The following DCAF11 variants were observed in gnomAD, a reference collection of about 807,000 sequenced individuals.
The protein encoded by DCAF11 is DDB1 and CUL4 associated factor 11, also known as DDB1- and CUL4-associated factor 11.
A neutral mutation model predicts 76.1 loss-of-function variants in DCAF11; 44 were observed. That is an observed-to-expected ratio of 0.58 (90% CI 0.45 to 0.74). DCAF11 has a LOEUF of 0.74. Among genes scored for constraint, DCAF11 ranks in the 30% least tolerant of loss-of-function variants. The pLI is 0.00. For missense variants in DCAF11, 604 were observed against 709.4 expected, an observed-to-expected ratio of 0.85 and a Z score of 1.69; for synonymous variants, 258 against 255.0, an observed-to-expected ratio of 1.01 and a Z score of -0.11.
In DCAF11 at chr14:24,118,502, A is replaced by T; in HGVS notation, c.692A>T (p.Asn231Ile). Residue 231 changes from asparagine to isoleucine, a missense_variant, in exon 7 of 15, where the codon AAC becomes ATC. Physicochemically the swap from Asn to Ile is moderately radical, Grantham distance 149. Coordinates refer to ENST00000446197, the MANE Select transcript of DCAF11 (RefSeq NM_025230.5). Reference protein sequence around the residue: ...VLDVAFTPDGNHFLYSSWSDY... With the variant: ...VLDVAFTPDGIHFLYSSWSDY... ...GATGTGGCCTTCACCCCTGATGGGA[A>T]CCACTTCCTCTACTCTAGCTGGTCT... The T allele has an allele frequency of 6.2e-7, 1 of 1,614,152 alleles. No individual in the cohort carries two copies. Among genetic ancestry groups the T allele is most frequent in the Non-Finnish European group, 8.5e-7 (1 of 1,180,034 alleles).
intron 2 of DCAF11, among the ~76,000 whole-genome samples, chr14:24,116,271 C>G (rs1471751978): frequency 1.3e-5 from 2 of 152,184 alleles, no homozygotes; most frequent in Admixed American, 1.3e-4. Context: ...AGCTGGCTTT[C>G]TTTCTTTGCT....
Position 24,123,052 on chromosome 14 carries a change from T to C in DCAF11, c.1481T>C (p.Phe494Ser). The C allele has an allele frequency of 6.2e-7, 1 of 1,614,092 alleles. No homozygotes were observed. The highest frequency in any genetic ancestry group is 8.5e-7 in the Non-Finnish European group (1 of 1,180,016). ...GTGCGTGACGTCAGTTGGCACCCCT[T>C]TGAAGAGAAGATTGTCAGCAGTTCG... ...ACVRDVSWHPFEEKIVSSSWD... is the reference protein window; with the variant it reads ...ACVRDVSWHPSEEKIVSSSWD... Residue 494 changes from phenylalanine (F) to serine (S), a missense_variant, in exon 14 of 15, where the codon TTT becomes TCT. Coordinates refer to ENST00000446197, the MANE Select transcript of DCAF11 (RefSeq NM_025230.5).
At chr14:24,115,341 G>A (rs1414298869) in intron 1 of DCAF11, 41 bp from the exon 2 acceptor site, 1 of 385,112 alleles carries the variant, frequency 2.6e-6, no homozygotes, top group Non-Finnish European at 4.6e-6. Context: ...GTGAGCTAGG[G>A]TAGCGCACTA....
Position 24,117,454 on chromosome 14 carries a change from A to G in DCAF11, c.411+61A>G. 6.2e-7 allele frequency: 1 copy of G among 1,604,122 alleles called. No individual in the cohort carries two copies. Among genetic ancestry groups the G allele is most frequent in the Non-Finnish European group, 8.5e-7 (1 of 1,174,432 alleles). On this transcript the variant is annotated intron_variant, in intron 4 of 14. Transcript: ENST00000446197. This position sits in a 1 kb window ranked among gnomAD's most constrained non-coding sequence, Gnocchi z 4.3. ...TGCCAAAGCAGCCAGAAGCTCTGCC[A>G]GCCCCAGAGAAAAAGGAAGTCAACT...
At chr14:24,115,777 G>C (rs1466821452) in intron 2 of DCAF11, 28 bp downstream of exon 2, 1 of 1,603,698 alleles carries the variant, frequency 6.2e-7, no homozygotes, top group East Asian at 2.2e-5. Flanking sequence ...GTGACCCCCA[G>C]CAGGTGCTAC....
chr14:24,115,888 T>A, intron 2 of DCAF11, 139 bp downstream of exon 2: 11 of 1,127,154 alleles, frequency 9.8e-6, no homozygotes, highest in Non-Finnish European at 1.2e-5. Context: ...AGCCTTTCCC[T>A]GCTGGGCACC....
At chr14:24,122,637 G>GCA (rs917060155) in intron 13 of DCAF11, among the ~76,000 whole-genome samples, 1 of 152,152 alleles carries the variant, frequency 6.6e-6, no homozygotes, top group Non-Finnish European at 1.5e-5. Flanking sequence ...TGCAGCAGGT[G>GCA]CACACACCCC....
At chr14:24,118,957 C>T in intron 8 of DCAF11, 153 bp downstream of exon 8, 1 of 1,132,816 alleles carries the variant, frequency 8.8e-7, no homozygotes, top group South Asian at 1.3e-5. Context: ...TCTTGTCAGC[C>T]AGAGGACTGG....
At position 24,115,435 on chromosome 14, in the gene DCAF11, A is replaced by G. The variant is rs1208784849; in HGVS notation, c.-160A>G. The G allele has an allele frequency of 2.9e-6, 3 of 1,039,550 alleles. No homozygotes were observed. The highest frequency in any genetic ancestry group is 4.1e-6 in the Non-Finnish European group (3 of 740,318). 64.4% of individuals were successfully genotyped at this position (1,039,550 alleles called of 1,614,324 possible). ...CTTGGTAGTTGGCATAGGCTAAAGA[A>G]AAGGGATCTCAGCCCCGAGGAAGGG... On this transcript the variant is annotated 5_prime_UTR_variant, in exon 2 of 15. Coordinates refer to ENST00000446197, the MANE Select transcript of DCAF11 (RefSeq NM_025230.5).
chr14:24,120,821 C>T lies in DCAF11; in HGVS notation c.1093-17C>T, dbSNP rs140555404. 25 of 1,613,194 alleles carry T rather than the reference C, an allele frequency of 1.5e-5. No individual in the cohort carries two copies. The highest frequency in any genetic ancestry group is 2.7e-5 in the African/African-American group (2 of 75,022). On this transcript the variant is annotated splice_polypyrimidine_tract_variant and intron_variant, in intron 11 of 14. Coordinates refer to ENST00000446197, the MANE Select transcript of DCAF11 (RefSeq NM_025230.5). The stretch of plus-strand genomic sequence containing the variant: ...TTGCAAGCTCTGATGCTTCACTATC[C>T]ACCTTTGGATTCATAGGGTGATGCC...
chr14:24,119,525 G>A, intron 9 of DCAF11, 34 bp from the exon 10 acceptor site: 1 of 1,613,278 alleles, frequency 6.2e-7, no homozygotes, highest in Non-Finnish European at 8.5e-7. Flanking sequence ...CTCGATCATG[G>A]CTCCAGGACC....
At position 24,119,713 on chromosome 14, in the gene DCAF11, T is replaced by G; in HGVS notation, c.909T>G (p.Ile303Met). Reference sequence around the variant, plus strand: ...ATCCTGGCCTCCTTTTCGCCTAGATTGAGTCCCATGAGGATGATGTGAATG... The same window carrying G: ...ATCCTGGCCTCCTTTTCGCCTAGATGGAGTCCCATGAGGATGATGTGAATG... ...DREQNRRTLQIESHEDDVNAV... is the reference protein window; with the variant it reads ...DREQNRRTLQMESHEDDVNAV... The change falls in exon 11 of 15, where the codon ATT becomes ATG. Residue 303 changes from isoleucine (I) to methionine (M), a missense_variant and splice_region_variant. Coordinates refer to ENST00000446197, the MANE Select transcript of DCAF11 (RefSeq NM_025230.5). 1 of 1,614,232 alleles carries G rather than the reference T, an allele frequency of 6.2e-7. No individual in the cohort carries two copies. Among genetic ancestry groups the G allele is most frequent in the South Asian group, 1.1e-5 (1 of 91,090 alleles).
chr14:24,117,093 T>G lies in DCAF11; in HGVS notation c.283+49T>G. 1.2e-6 allele frequency: 2 copies of G among 1,613,158 alleles called. No homozygotes were observed. Among genetic ancestry groups the G allele is most frequent in the Non-Finnish European group, 1.7e-6 (2 of 1,179,452 alleles). On this transcript the variant is annotated intron_variant, in intron 3 of 14. Transcript: ENST00000446197. The surrounding 1 kb of genome is among the most constrained non-coding windows in gnomAD (Gnocchi z 4.3). ...TGGAAGACTTTTACTAGAAAACCTT[T>G]TAGTGATATTTTGAATGATAGGTTA...
rs768097303 is a variant in DCAF11, at chr14:24,118,395, A to G, written c.585A>G (p.Thr195=). The G allele has an allele frequency of 1.4e-5, 22 of 1,614,122 alleles. No individual in the cohort carries two copies. The highest frequency in any genetic ancestry group is 7.6e-6 in the Non-Finnish European group (9 of 1,180,042). The change falls in exon 7 of 15, where the codon ACA becomes ACG. Residue 195 remains threonine (T), a synonymous_variant. Coordinates refer to ENST00000446197, the MANE Select transcript of DCAF11 (RefSeq NM_025230.5). The part of the protein sequence containing the change: ...QIFMSACQDQ[T]IRLYDCRYGR... ...TGATCTTTACTTACACAGACCAGAC[A>G]ATCCGACTCTATGACTGCCGATATG...
chr14:24,118,589 T>A, intron 7 of DCAF11, 55 bp downstream of exon 7: 1 of 1,604,326 alleles, frequency 6.2e-7, no homozygotes, highest in South Asian at 1.1e-5. Flanking sequence ...GAGGTTTCCA[T>A]GTGCCTGTCC....
chr14:24,124,630 G>A lies in DCAF11; in HGVS notation c.*1321G>A, dbSNP rs2037747746. On this transcript the variant is annotated 3_prime_UTR_variant, in exon 15 of 15. Coordinates refer to ENST00000446197, the MANE Select transcript of DCAF11 (RefSeq NM_025230.5). ...AGTTTTAAAAGAATAAACAAGCTAGGTGTGGTGGCTCATGCCTGTAATCCT... is the reference window on the plus strand; with the variant it reads ...AGTTTTAAAAGAATAAACAAGCTAGATGTGGTGGCTCATGCCTGTAATCCT... 4 of 152,280 alleles carry A rather than the reference G, an allele frequency of 2.6e-5. No homozygotes were observed. Among genetic ancestry groups the A allele is most frequent in the Admixed American group, 2.6e-4 (4 of 15,292 alleles). The allele number at this position is 152,280 out of a possible 1,614,324, so 9.4% of individuals were successfully genotyped here.
In DCAF11 at chr14:24,118,767, T is replaced by C. The variant is rs754825693; in HGVS notation, c.742T>C (p.Tyr248His). ...WSDYIHICNI[Y>H]GEGDTHTALD... ...TCTCTTAGTTCATATCTGCAATATC[T>C]ATGGTGAGGGAGATACACACACTGC... The change falls in exon 8 of 15, where the codon TAT (tyrosine) becomes CAT (histidine). Residue 248 changes from tyrosine (Y) to histidine (H), a missense_variant. Physicochemically the swap from Tyr to His is moderately conservative, Grantham distance 83. Transcript: ENST00000446197. 2 of 1,614,136 alleles carry C rather than the reference T, an allele frequency of 1.2e-6. No individual in the cohort carries two copies. The highest frequency in any genetic ancestry group is 1.3e-5 in the African/African-American group (1 of 75,052).
chr14:24,119,897 G>A lies in DCAF11; in HGVS notation c.1092+1G>A. 6.2e-7 allele frequency: 1 copy of A among 1,609,594 alleles called. No individual in the cohort carries two copies. On this transcript the variant is annotated splice_donor_variant, in intron 11 of 14. Transcript: ENST00000446197. LOFTEE classifies it high-confidence loss of function. The stretch of plus-strand genomic sequence containing the variant: ...TGGCATCACCTTCATTGACAGCAAG[G>A]TGGGCCAGAAGTCAGGACTGTACAG...
Position 24,115,099 on chromosome 14 carries a change from G to T in DCAF11, c.-408G>T, listed in dbSNP as rs998623487. 12 of 857,156 alleles carry T rather than the reference G, an allele frequency of 1.4e-5. No homozygotes were observed. The highest frequency in any genetic ancestry group is 1.7e-5 in the Non-Finnish European group (12 of 712,500). The allele number at this position is 857,156 out of a possible 1,614,324, so 53.1% of individuals were successfully genotyped here. On this transcript the variant is annotated 5_prime_UTR_variant, in exon 1 of 15. The change creates a new upstream start codon in the 5' untranslated region. Coordinates refer to ENST00000446197, the MANE Select transcript of DCAF11 (RefSeq NM_025230.5). ...CTGTCACTGCTGCCGGCCTTTGTAA[G>T]GGGGCGCTCTGATTGGTCGATAAGG...
Sources: allele counts gnomAD v4.1 joint callset (sites outside exome capture counted in the v4.1 genomes callset), GRCh38; gene constraint gnomAD v4.1.1; non-coding constraint Gnocchi (gnomAD v3.1); transcripts MANE v1.5; gene names NCBI Gene and HGNC (gene_info 2026-07-23, HGNC 2026-07-21).